Variants in SLC24A4 observed in about 807,000 individuals in gnomAD.
SLC24A4 encodes sodium/potassium/calcium exchanger 4.
Under a neutral mutation model 79.0 loss-of-function variants are expected in SLC24A4, and 53 were observed. The observed-to-expected ratio is 0.67, with a 90% confidence interval of 0.54 to 0.84. The LOEUF is 0.84. Ranked by LOEUF, SLC24A4 falls within the 40% of genes least tolerant of loss-of-function variation. SLC24A4 has a pLI of 0.00. For missense variants in SLC24A4, 731 were observed against 822.0 expected (o/e 0.89, Z 1.35); for synonymous variants, 323 against 323.8 (o/e 1.00, Z 0.03).
chr14:92,442,949 G>A (rs1401674629), intron 6 of SLC24A4, 133 bp downstream of exon 6: 2 of 731,290 alleles, frequency 2.7e-6, no homozygotes, highest in African/African-American at 1.8e-5. Context: ...TACATTTGGG[G>A]CCTGGTTTTG....
In SLC24A4 at chr14:92,353,406, C is replaced by G. The variant is rs79200837; in HGVS notation, c.241+27428C>G. Among the ~76,000 whole-genome samples, 19,422 of 152,190 alleles carry G rather than the reference C, an allele frequency of 0.13. 1,309 individuals carry two copies. The highest frequency in any genetic ancestry group is 0.15 in the Admixed American group (2,245 of 15,280). ...GCAAGAGGGCAAAAAGCATTGTTGC[C>G]ATGAGTGGCTTAGAAGTAAATTGCT... On this transcript the variant is annotated intron_variant, in intron 2 of 16. Coordinates refer to ENST00000532405, the MANE Select transcript of SLC24A4 (RefSeq NM_153646.4). The surrounding 1 kb of genome is among the most constrained non-coding windows in gnomAD (Gnocchi z 4.1).
chr14:92,442,777 C>T lies in SLC24A4; in HGVS notation c.543C>T (p.Ile181=), dbSNP rs1302382144. ...TCGTGGGCTCTGCTGTGTTCAACAT[C>T]CTGTGCATAATTGGAGTGTGCGGAC... ...GTIVGSAVFN[I]LCIIGVCGLF... is the part of the protein sequence containing the mutation. Residue 181 remains isoleucine (I), a synonymous_variant, in exon 6 of 17, where the codon ATC becomes ATT. Coordinates refer to ENST00000532405, the MANE Select transcript of SLC24A4 (RefSeq NM_153646.4). 1.2e-6 allele frequency: 2 copies of T among 1,614,150 alleles called. No homozygotes were observed. The highest frequency in any genetic ancestry group is 1.7e-6 in the Non-Finnish European group (2 of 1,180,002).
At chr14:92,394,730 T>C (rs1348863753) in intron 2 of SLC24A4, among the ~76,000 whole-genome samples, 1 of 152,234 alleles carries the variant, frequency 6.6e-6, no homozygotes, top group Admixed American at 6.5e-5. Flanking sequence ...CAGCAGAAAC[T>C]CAGGTTATTC....
chr14:92,330,734 A>T (rs959672676), intron 2 of SLC24A4, among the ~76,000 whole-genome samples: 29 of 152,316 alleles, frequency 1.9e-4, no homozygotes, highest in African/African-American at 7.0e-4. Flanking sequence ...TCAGAGTGGC[A>T]GAGAGAGACA....
intron 2 of SLC24A4, among the ~76,000 whole-genome samples, chr14:92,396,338 A>C (rs1049542368): frequency 1.3e-5 from 2 of 151,588 alleles, no homozygotes; most frequent in African/African-American, 4.9e-5. Context: ...TCCTGCCCCT[A>C]CTCCCTTCAA....
chr14:92,383,286 C>G (rs1888959005), intron 2 of SLC24A4, among the ~76,000 whole-genome samples: 1 of 152,198 alleles, frequency 6.6e-6, no homozygotes, highest in South Asian at 2.1e-4. Flanking sequence ...TCTGTGCCCT[C>G]CCCTCCTGCA....
chr14:92,489,819 CA>C (rs1895580900), intron 14 of SLC24A4, among the ~76,000 whole-genome samples: 1 of 152,204 alleles, frequency 6.6e-6, no homozygotes, highest in South Asian at 2.1e-4. Context: ...CCCTCCTCTG[CA>C]AACTCAGGCA....
At chr14:92,327,584 G>A (rs1885220886) in intron 2 of SLC24A4, among the ~76,000 whole-genome samples, 2 of 152,236 alleles carry the variant, frequency 1.3e-5, no homozygotes, top group South Asian at 4.1e-4. Flanking sequence ...TCAGGGTTCA[G>A]GAATGTTTGG....
chr14:92,382,456 G>C (rs1222051792), intron 2 of SLC24A4, among the ~76,000 whole-genome samples: 2 of 152,082 alleles, frequency 1.3e-5, no homozygotes, highest in Non-Finnish European at 1.5e-5. Context: ...TACGCGTAAG[G>C]CTGTTAGAAC....
Position 92,413,333 on chromosome 14 carries a change from C to T in SLC24A4, c.242-20579C>T, listed in dbSNP as rs903706127. ...ATTCCCAGTCTCCTGGGCTCCCTCC[C>T]GCCCCCCTGCCTTAGCATCCAGTTC... On this transcript the variant is annotated intron_variant, in intron 2 of 16. Coordinates refer to ENST00000532405, the MANE Select transcript of SLC24A4 (RefSeq NM_153646.4). Among the ~76,000 whole-genome samples the T allele has an allele frequency of 3.2e-4, 49 of 152,156 alleles. 1 individual carries two copies. The highest frequency in any genetic ancestry group is 7.7e-4 in the East Asian group (4 of 5,198).
chr14:92,389,227 C>G (rs1192622444), intron 2 of SLC24A4, among the ~76,000 whole-genome samples: 1 of 152,208 alleles, frequency 6.6e-6, no homozygotes, highest in Non-Finnish European at 1.5e-5. Context: ...CCACCCCACT[C>G]TTGGAAGGAA....
At chr14:92,360,627 T>C (rs1887454906) in intron 2 of SLC24A4, among the ~76,000 whole-genome samples, 1 of 152,230 alleles carries the variant, frequency 6.6e-6, no homozygotes, top group Non-Finnish European at 1.5e-5. Flanking sequence ...GGGTGATACC[T>C]AGAAATAGAA....
chr14:92,450,218 G>A (rs1190489984), intron 10 of SLC24A4: 2 of 152,250 alleles, frequency 1.3e-5, no homozygotes, highest in Admixed American at 1.3e-4. Flanking sequence ...TGTCACTGGT[G>A]GGATGGAGTG....
intron 12 of SLC24A4, among the ~76,000 whole-genome samples, chr14:92,464,555 G>T (rs1250496918): frequency 6.6e-6 from 1 of 151,408 alleles, no homozygotes; most frequent in Non-Finnish European, 1.5e-5. Flanking sequence ...GTTTACAGGG[G>T]TGTGCTGATG....
intron 2 of SLC24A4, among the ~76,000 whole-genome samples, chr14:92,377,979 G>A (rs1333688413): frequency 6.6e-6 from 1 of 152,010 alleles, no homozygotes; most frequent in East Asian, 1.9e-4. Context: ...TGGGAGGAGA[G>A]ATGAGGCTTG....
chr14:92,480,620 C>T (rs10138334), intron 12 of SLC24A4, among the ~76,000 whole-genome samples: 2,882 of 152,276 alleles, frequency 0.019, 90 homozygotes, highest in African/African-American at 0.065. Context: ...AGGTATTTTA[C>T]GGCTATGCAT....
chr14:92,388,219 C>T (rs1030759467), intron 2 of SLC24A4, among the ~76,000 whole-genome samples: 6 of 152,180 alleles, frequency 3.9e-5, no homozygotes, highest in Admixed American at 3.9e-4. Context: ...GTACTGTTTT[C>T]CTCTCTTAAG....
chr14:92,349,842 T>C (rs1206329352), intron 2 of SLC24A4, among the ~76,000 whole-genome samples: 1 of 152,236 alleles, frequency 6.6e-6, no homozygotes, highest in East Asian at 1.9e-4. Context: ...AGAGTGTTGT[T>C]TCCAATAGCA....
chr14:92,375,395 G>A (rs1044017436), intron 2 of SLC24A4, among the ~76,000 whole-genome samples: 2 of 152,184 alleles, frequency 1.3e-5, no homozygotes, highest in African/African-American at 2.4e-5. Flanking sequence ...ACAGTTTGGA[G>A]GTTCCTTAAT....
Sources: allele counts gnomAD v4.1 joint callset (sites outside exome capture counted in the v4.1 genomes callset), GRCh38; gene constraint gnomAD v4.1.1; non-coding constraint Gnocchi (gnomAD v3.1); transcripts MANE v1.5; gene names NCBI Gene and HGNC (gene_info 2026-07-23, HGNC 2026-07-21).